The following ZNF549 variants were observed in gnomAD, a reference collection of about 807,000 sequenced individuals.
ZNF549 encodes the protein zinc finger protein 549.
In ZNF549, 11 loss-of-function variants were observed where a neutral mutation model predicts 11.1. The ratio of observed to expected loss-of-function variants is 0.99; its 90% confidence interval spans 0.62 to 1.64. The LOEUF is 1.64. Ranked by LOEUF, ZNF549 falls within the 40% of genes most tolerant of loss-of-function variation. The pLI, the probability that ZNF549 is intolerant of heterozygous loss-of-function variation, is 0.00. For missense variants in ZNF549, 748 were observed against 765.1 expected, an observed-to-expected ratio of 0.98 and a Z score of 0.26; for synonymous variants, 266 against 269.1, an observed-to-expected ratio of 0.99 and a Z score of 0.11.
In ZNF549 at chr19:57,538,256, G is replaced by A. The variant is rs1322016244; in HGVS notation, c.1252G>A (p.Glu418Lys). Residue 418 changes from glutamate (E) to lysine (K), a missense_variant, in exon 4 of 4, where the codon GAG becomes AAG. Transcript: ENST00000376233. The stretch of plus-strand genomic sequence containing the variant: ...AATCCACACGGGAGAAAGGCCTTAT[G>A]AGTGCAAAGAATGTGGGAAGGCCTT... ...HRIHTGERPYECKECGKAFIH... is the reference protein window; with the variant it reads ...HRIHTGERPYKCKECGKAFIH... 3 of 1,613,968 alleles carry A rather than the reference G, an allele frequency of 1.9e-6. No homozygotes were observed. The highest frequency in any genetic ancestry group is 2.7e-5 in the African/African-American group (2 of 74,986).
rs1308635525 is a variant in ZNF549, at chr19:57,531,118, A to T, written c.72+10A>T. On this transcript the variant is annotated intron_variant, in intron 2 of 3. Coordinates refer to ENST00000376233, the MANE Select transcript of ZNF549 (RefSeq NM_001199295.2). ...TGTGAAACCATCACAGGTAAGTGGAAGAAGTCCCAGGTCTTCACTGGCCCT... is the reference window on the plus strand; with the variant it reads ...TGTGAAACCATCACAGGTAAGTGGATGAAGTCCCAGGTCTTCACTGGCCCT... 6.3e-7 allele frequency: 1 copy of T among 1,598,338 alleles called. No homozygotes were observed. Among genetic ancestry groups the T allele is most frequent in the South Asian group, 1.1e-5 (1 of 91,080 alleles).
In ZNF549 at chr19:57,537,938, T is replaced by G. The variant is rs1469348832; in HGVS notation, c.934T>G (p.Ser312Ala). The G allele has an allele frequency of 6.2e-7, 1 of 1,613,974 alleles. No homozygotes were observed. Among genetic ancestry groups the G allele is most frequent in the Non-Finnish European group, 8.5e-7 (1 of 1,179,948 alleles). Residue 312 changes from serine to alanine, a missense_variant, in exon 4 of 4, where the codon TCC becomes GCC. Coordinates refer to ENST00000376233, the MANE Select transcript of ZNF549 (RefSeq NM_001199295.2). ...RSYVCIECGK[S>A]LSSKYSLVEH... Reference sequence around the variant, plus strand: ...TTATGTGTGCATCGAATGTGGGAAATCCTTGAGCTCCAAATACTCACTTGT... The same window carrying G: ...TTATGTGTGCATCGAATGTGGGAAAGCCTTGAGCTCCAAATACTCACTTGT...
chr19:57,531,049 A>C (rs774915569), intron 1 of ZNF549, 21 bp from the exon 2 acceptor site: 8 of 1,598,164 alleles, frequency 5.0e-6, no homozygotes, highest in Non-Finnish European at 6.8e-6. Flanking sequence ...CCTGTATTTC[A>C]TAGCCTCCCT....
chr19:57,535,315 C>T (rs757436939), intron 3 of ZNF549, 45 bp downstream of exon 3: 6 of 1,567,164 alleles, frequency 3.8e-6, no homozygotes, highest in Non-Finnish European at 8.7e-7. Context: ...CTGGACTCTG[C>T]TCTTCCCCTT....
chr19:57,538,996 A>G lies in ZNF549; in HGVS notation c.*69A>G. Reference sequence around the variant, plus strand: ...AGAGAGCTGATTTTTCAAGGGATCCAACAGACAGAAATTCACCCTCATACA... The same window carrying G: ...AGAGAGCTGATTTTTCAAGGGATCCGACAGACAGAAATTCACCCTCATACA... On this transcript the variant is annotated 3_prime_UTR_variant, in exon 4 of 4. Transcript: ENST00000376233. The G allele has an allele frequency of 2.7e-6, 4 of 1,494,542 alleles. No individual in the cohort carries two copies. Among genetic ancestry groups the G allele is most frequent in the Non-Finnish European group, 3.6e-6 (4 of 1,121,298 alleles). 92.6% of individuals were successfully genotyped at this position (1,494,542 alleles called of 1,614,324 possible).
In ZNF549 at chr19:57,539,041, A is replaced by G; in HGVS notation, c.*114A>G. 8.3e-7 allele frequency: 1 copy of G among 1,210,668 alleles called. No homozygotes were observed. The highest frequency in any genetic ancestry group is 1.1e-6 in the Non-Finnish European group (1 of 875,540). 75.0% of individuals were successfully genotyped at this position (1,210,668 alleles called of 1,614,324 possible). A position where few individuals can be genotyped will look rare whatever the true frequency, so the allele number is the denominator to read the frequency against. On this transcript the variant is annotated 3_prime_UTR_variant, in exon 4 of 4. Transcript: ENST00000376233. Reference sequence around the variant, plus strand: ...CATACATCTGCATATCACTAGTTGAAAGATTCACTACAAGGTCCAAGTACT... The same window carrying G: ...CATACATCTGCATATCACTAGTTGAGAGATTCACTACAAGGTCCAAGTACT...
Position 57,527,415 on chromosome 19 carries a change from C to T in ZNF549, c.-159C>T. On this transcript the variant is annotated 5_prime_UTR_variant, in exon 1 of 4. Coordinates refer to ENST00000376233, the MANE Select transcript of ZNF549 (RefSeq NM_001199295.2). ...GCGTTTCCGGCTCGCTGGGTCCGGG[C>T]CAGGTAACTGGAGCCGGAAACCGGT... is the stretch of plus-strand genomic sequence containing the variant. 2 of 1,066,392 alleles carry T rather than the reference C, an allele frequency of 1.9e-6. No individual in the cohort carries two copies. Among genetic ancestry groups the T allele is most frequent in the Non-Finnish European group, 2.8e-6 (2 of 721,190 alleles). 66.1% of individuals were successfully genotyped at this position (1,066,392 alleles called of 1,614,324 possible). A position where few individuals can be genotyped will look rare whatever the true frequency, so the allele number is the denominator to read the frequency against.
chr19:57,531,243 A>T, intron 2 of ZNF549, 135 bp downstream of exon 2: 2 of 815,334 alleles, frequency 2.5e-6, no homozygotes, highest in Non-Finnish European at 3.9e-6. Flanking sequence ...CCTCAGGCCC[A>T]GGATGATTAA....
intron 1 of ZNF549, among the ~76,000 whole-genome samples, chr19:57,528,245 T>A (rs1401207987): frequency 6.6e-6 from 1 of 152,200 alleles, no homozygotes; most frequent in Non-Finnish European, 1.5e-5. Flanking sequence ...CAAGTTTTTC[T>A]TTTACCTGAA....
chr19:57,538,724 C>T lies in ZNF549; in HGVS notation c.1720C>T (p.Gln574Ter), dbSNP rs1163820764. The T allele has an allele frequency of 6.2e-7, 1 of 1,614,160 alleles. No homozygotes were observed. The highest frequency in any genetic ancestry group is 1.7e-5 in the Admixed American group (1 of 60,020). ...KCFRHRTSLI[Q>*]HQKVHSGERP... ...CTTTAGACACCGCACCAGCCTCATT[C>T]AACACCAGAAAGTTCACAGTGGAGA... is the stretch of plus-strand genomic sequence containing the variant. Residue 574 changes from glutamine (Q) to a stop codon, truncating the protein, a stop_gained, in exon 4 of 4, where the codon CAA (glutamine) becomes TAA (stop). Transcript: ENST00000376233. LOFTEE classifies it low-confidence loss of function (END_TRUNC).
intron 1 of ZNF549, among the ~76,000 whole-genome samples, chr19:57,529,355 G>T (rs567423002): frequency 6.6e-6 from 1 of 152,180 alleles, no homozygotes; most frequent in East Asian, 1.9e-4. Flanking sequence ...ATAAAATCCA[G>T]TTTATAAATG....
At chr19:57,534,211 T>C (rs1238806312) in intron 2 of ZNF549, among the ~76,000 whole-genome samples, 1 of 152,050 alleles carries the variant, frequency 6.6e-6, no homozygotes, top group Non-Finnish European at 1.5e-5. Flanking sequence ...CTAAGACAGA[T>C]AAAGAAGAGT....
Position 57,533,357 on chromosome 19 carries a change from G to A in ZNF549, c.73-1787G>A, listed in dbSNP as rs115113770. ...AAGAGGAATACTAGAGTGGGTTGTA[G>A]TTGGTTATTTCCCTTCCCCCAGATA... On this transcript the variant is annotated intron_variant, in intron 2 of 3. Coordinates refer to ENST00000376233, the MANE Select transcript of ZNF549 (RefSeq NM_001199295.2). Among the ~76,000 whole-genome samples the A allele has an allele frequency of 2.6e-3, 394 of 152,276 alleles. 1 individual carries two copies. The highest frequency in any genetic ancestry group is 8.2e-3 in the African/African-American group (342 of 41,560).
chr19:57,537,282 C>T lies in ZNF549; in HGVS notation c.278C>T (p.Thr93Ile). The change falls in exon 4 of 4, where the codon ACT becomes ATT. Residue 93 changes from threonine to isoleucine, a missense_variant. Thr to Ile is a moderately conservative substitution (Grantham distance 89, BLOSUM62 -1). Transcript: ENST00000376233. ...LSAQGVSQAR[T>I]PKLGPSIPNA... Reference sequence around the variant, plus strand: ...GCGCAAGGAGTGTCACAGGCCAGGACTCCAAAGCTAGGTCCTTCCATCCCA... The same window carrying T: ...GCGCAAGGAGTGTCACAGGCCAGGATTCCAAAGCTAGGTCCTTCCATCCCA... The T allele has an allele frequency of 1.2e-6, 2 of 1,614,218 alleles. No homozygotes were observed. Among genetic ancestry groups the T allele is most frequent in the East Asian group, 2.2e-5 (1 of 44,882 alleles).
chr19:57,539,296 A>G lies in ZNF549; in HGVS notation c.*369A>G, dbSNP rs1046734022. 2 of 173,602 alleles carry G rather than the reference A, an allele frequency of 1.2e-5. No homozygotes were observed. Among genetic ancestry groups the G allele is most frequent in the African/African-American group, 4.8e-5 (2 of 41,990 alleles). The allele number at this position is 173,602 out of a possible 1,614,324, so 10.8% of individuals were successfully genotyped here. ...CAAAGACAAAACCCAACTTTGACCA[A>G]GAAGAGCAATCTGGATTCTTGTAGC... On this transcript the variant is annotated 3_prime_UTR_variant, in exon 4 of 4. Coordinates refer to ENST00000376233, the MANE Select transcript of ZNF549 (RefSeq NM_001199295.2).
At position 57,538,188 on chromosome 19, in the gene ZNF549, G is replaced by A; in HGVS notation, c.1184G>A (p.Gly395Glu). The stretch of plus-strand genomic sequence containing the variant: ...GGGGCTTATCAGTGCAGTGAATGTG[G>A]GAAATCCTTCATATACAAACAGTCA... ...GEGAYQCSEC[G>E]KSFIYKQSLL... is the part of the protein sequence containing the mutation. The change falls in exon 4 of 4, where the codon GGG becomes GAG. Residue 395 changes from glycine to glutamate, a missense_variant. Gly to Glu is a moderately conservative substitution (Grantham distance 98, BLOSUM62 -2). Transcript: ENST00000376233. The A allele has an allele frequency of 1.2e-6, 2 of 1,614,134 alleles. No individual in the cohort carries two copies. The highest frequency in any genetic ancestry group is 1.7e-6 in the Non-Finnish European group (2 of 1,180,022).
intron 3 of ZNF549, among the ~76,000 whole-genome samples, chr19:57,536,081 T>C (rs1293410222): frequency 6.6e-6 from 1 of 152,202 alleles, no homozygotes; most frequent in African/African-American, 2.4e-5. Flanking sequence ...TCGTTTCTAC[T>C]GTGATTGTCC....
chr19:57,535,408 C>T (rs752145719), intron 3 of ZNF549, 138 bp downstream of exon 3: 47 of 1,289,284 alleles, frequency 3.6e-5, no homozygotes, highest in Middle Eastern at 2.1e-4. Flanking sequence ...AAGACATAGG[C>T]GTTGTGGTTG....
At chr19:57,530,958 A>G in intron 1 of ZNF549, 112 bp from the exon 2 acceptor site, 1 of 981,514 alleles carries the variant, frequency 1.0e-6, no homozygotes, top group Non-Finnish European at 1.6e-6. Flanking sequence ...AGATGAAGGC[A>G]ACCTCAGAGA....
Sources: allele counts gnomAD v4.1 joint callset (sites outside exome capture counted in the v4.1 genomes callset), GRCh38; gene constraint gnomAD v4.1.1; transcripts MANE v1.5; gene names NCBI Gene and HGNC (gene_info 2026-07-23, HGNC 2026-07-21).